CALD1: variants seen among roughly 807,000 people sequenced by gnomAD.
The protein encoded by CALD1 is caldesmon.
A neutral mutation model predicts 99.9 loss-of-function variants in CALD1; 33 were observed. That is an observed-to-expected ratio of 0.33 (90% confidence interval 0.25 to 0.44). The LOEUF is 0.44. Among genes scored for constraint, CALD1 ranks in the 20% least tolerant of loss-of-function variants. The pLI is 1.00. For synonymous variants in CALD1, 310 were observed against 325.0 expected (o/e 0.95, Z 0.50); for missense variants, 861 against 962.1 (o/e 0.89, Z 1.39).
intron 7 of CALD1, among the ~76,000 whole-genome samples, chr7:134,943,073 T>A (rs901399899): frequency 6.6e-6 from 1 of 152,154 alleles, no homozygotes; most frequent in Admixed American, 6.5e-5. Context: ...CCAACGTATG[T>A]GAGTTTTAGT....
At chr7:134,849,380 CA>C (rs1799982995) in intron 2 of CALD1, among the ~76,000 whole-genome samples, 2 of 152,114 alleles carry the variant, frequency 1.3e-5, no homozygotes, top group Non-Finnish European at 2.9e-5. Context: ...CCTCTGTATC[CA>C]TAGGGGATTG....
chr7:134,746,909 C>T (rs540109672), intron 1 of CALD1, among the ~76,000 whole-genome samples: 2 of 152,236 alleles, frequency 1.3e-5, no homozygotes, highest in Non-Finnish European at 2.9e-5. Context: ...TATTTCTAAG[C>T]AAAGTGTTGA....
upstream of CALD1, among the ~76,000 whole-genome samples, chr7:134,775,325 A>C (rs755391549): frequency 1.8e-4 from 27 of 152,134 alleles, no homozygotes; most frequent in Non-Finnish European, 3.2e-4. Flanking sequence ...CTATAAAAAA[A>C]CCTCTTTGCC....
rs559713208 is a variant in CALD1 at position 134,751,008 on chromosome 7, C to T, written c.-130+6645C>T. Among the ~76,000 whole-genome samples the T allele has an allele frequency of 1.8e-4, 28 of 152,256 alleles. 1 individual carries two copies. In the South Asian group the frequency reaches 5.6e-3, roughly 30 times the overall value. ...ATTTTAATCTGAAGCCCCTTCCCAC[C>T]ATGTCTCAAAAAATCACATTATGGT... On this transcript the variant is annotated intron_variant, in intron 1 of 13. Coordinates refer to the CALD1 transcript ENST00000417172.
intron 4 of CALD1, among the ~76,000 whole-genome samples, chr7:134,930,563 G>T (rs1195022604): frequency 6.6e-6 from 1 of 152,050 alleles, no homozygotes; most frequent in African/African-American, 2.4e-5. Flanking sequence ...AATGTTGGCC[G>T]GTAGCACAAT....
At chr7:134,819,456 C>T (rs1177757692) in intron 1 of CALD1, among the ~76,000 whole-genome samples, 1 of 152,212 alleles carries the variant, frequency 6.6e-6, no homozygotes, top group East Asian at 1.9e-4. Flanking sequence ...CCATACCGCT[C>T]AAGTTTACAA....
intron 1 of CALD1, among the ~76,000 whole-genome samples, chr7:134,749,588 G>C (rs1407502620): frequency 6.6e-6 from 1 of 152,156 alleles, no homozygotes; most frequent in African/African-American, 2.4e-5. Flanking sequence ...ACTCCAGCCT[G>C]AGCAAAAAGA....
At chr7:134,731,192 T>G in the CALD1 span, among the ~76,000 whole-genome samples, 1 of 152,130 alleles carries the variant, frequency 6.6e-6, no homozygotes, top group African/African-American at 2.4e-5. Flanking sequence ...TACCCTCTCT[T>G]TGGCTCTACC....
At chr7:134,931,646 C>T (rs1488497605) in intron 4 of CALD1, among the ~76,000 whole-genome samples, 4 of 152,192 alleles carry the variant, frequency 2.6e-5, no homozygotes, top group Non-Finnish European at 1.5e-5. Context: ...ACTCTGGTCA[C>T]AGTTCTGGTA....
chr7:134,879,711 T>A (rs950357528), intron 3 of CALD1, among the ~76,000 whole-genome samples: 6 of 152,242 alleles, frequency 3.9e-5, no homozygotes, highest in African/African-American at 1.2e-4. Flanking sequence ...ACCAGGTAGG[T>A]AGACTTAAAC....
At chr7:134,744,663 C>T (rs1796619890) in intron 1 of CALD1, among the ~76,000 whole-genome samples, 1 of 152,092 alleles carries the variant, frequency 6.6e-6, no homozygotes. Context: ...GAGCAATATT[C>T]TTCACCAAAC....
intron 9 of CALD1, among the ~76,000 whole-genome samples, chr7:134,951,101 AG>A (rs1374556609): frequency 6.6e-6 from 1 of 152,218 alleles, no homozygotes; most frequent in Non-Finnish European, 1.5e-5. Flanking sequence ...GGGAGAAAAC[AG>A]GCTTCCTTAG....
chr7:134,848,430 G>T (rs1799942822), intron 2 of CALD1, among the ~76,000 whole-genome samples: 1 of 152,188 alleles, frequency 6.6e-6, no homozygotes, highest in African/African-American at 2.4e-5. Flanking sequence ...GGGGAAAAGG[G>T]CAGTTGACTA....
intron 2 of CALD1, among the ~76,000 whole-genome samples, chr7:134,853,528 TTTC>T (rs1800165686): frequency 6.6e-6 from 1 of 152,128 alleles, no homozygotes; most frequent in South Asian, 2.1e-4. Flanking sequence ...AGCTTCTTTT[TTTC>T]TTCTTTTTAG....
intron 1 of CALD1, among the ~76,000 whole-genome samples, chr7:134,794,486 TTTG>T (rs962407740): frequency 4.6e-5 from 7 of 152,276 alleles, no homozygotes; most frequent in African/African-American, 1.4e-4. Flanking sequence ...CCATAGGTTT[TTTG>T]TTGTTGTTGT....
At chr7:134,796,802 G>A (rs1173834029) in intron 1 of CALD1, among the ~76,000 whole-genome samples, 1 of 152,126 alleles carries the variant, frequency 6.6e-6, no homozygotes, top group Non-Finnish European at 1.5e-5. Flanking sequence ...GCCCAGGTTG[G>A]TCTTGAACTC....
At chr7:134,857,158 C>CTTTTTTTTT (rs59210460) in intron 2 of CALD1, among the ~76,000 whole-genome samples, 11 of 75,356 alleles carry the variant, frequency 1.5e-4, no homozygotes, top group African/African-American at 2.4e-4. Context: ...TTGCGCTATT[C>CTTTTTTTTT]TTTTTTTTTT....
chr7:134,925,919 A>G (rs999602336), intron 3 of CALD1, among the ~76,000 whole-genome samples: 7 of 152,212 alleles, frequency 4.6e-5, no homozygotes, highest in Non-Finnish European at 8.8e-5. Context: ...CTGTTTGATT[A>G]GTTTAGGAAG....
intron 1 of CALD1, among the ~76,000 whole-genome samples, chr7:134,756,331 A>G (rs1379232076): frequency 7.9e-6 from 1 of 126,872 alleles, no homozygotes; most frequent in African/African-American, 3.2e-5. Flanking sequence ...AAATTCAAAA[A>G]TTAAATACTA....
Sources: gnomAD v4.1 joint callset for allele counts (sites outside exome capture counted in the v4.1 genomes callset) on GRCh38, gnomAD v4.1.1 for gene constraint, MANE v1.5 for transcripts, NCBI Gene and HGNC (gene_info 2026-07-23, HGNC 2026-07-21) for gene names.